Variants in MAP3K8 observed in about 807,000 individuals in gnomAD.
The protein encoded by MAP3K8 is Ewing sarcoma transformant.
In MAP3K8, 22 loss-of-function variants were observed where a neutral mutation model predicts 45.8. That is an observed-to-expected ratio of 0.48 (90% CI 0.34 to 0.69). The LOEUF is 0.69. Ranked by LOEUF, MAP3K8 falls within the 30% of genes least tolerant of loss-of-function variation. The pLI, the probability that MAP3K8 is intolerant of heterozygous loss-of-function variation, is 0.01. For missense variants in MAP3K8, 419 were observed against 585.0 expected, an observed-to-expected ratio of 0.72 and a Z score of 2.93; for synonymous variants, 223 against 214.3, an observed-to-expected ratio of 1.04 and a Z score of -0.36.
chr10:30,437,454 C>G (rs1229887119), intron 2 of MAP3K8, 48 bp downstream of exon 2: 1 of 290,910 alleles, frequency 3.4e-6, no homozygotes, highest in South Asian at 1.3e-4. Flanking sequence ...AAATTGAGGT[C>G]GAGAGAGGTT....
intron 6 of MAP3K8, among the ~76,000 whole-genome samples, chr10:30,454,114 C>T (rs377716605): frequency 3.9e-4 from 60 of 152,222 alleles, no homozygotes; most frequent in African/African-American, 1.4e-3. Flanking sequence ...TCACCACTAC[C>T]GGGGGAAGCT....
chr10:30,438,187 G>C (rs180744314), intron 2 of MAP3K8, among the ~76,000 whole-genome samples: 47 of 152,294 alleles, frequency 3.1e-4, no homozygotes, highest in African/African-American at 1.1e-3. Context: ...CAAGATGTTT[G>C]CTTTGCACTA....
In MAP3K8 at chr10:30,460,821, G is replaced by A. The variant is rs775208839; in HGVS notation, c.1389G>A (p.Thr463=). ...TCAATCTTGTTCGGGGACCACCAAC[G>A]CTTGAATATGGCTGAAGGATGCCAT... The part of the protein sequence containing the change: ...GYFNLVRGPP[T]LEYG Residue 463 remains threonine (T), a synonymous_variant, in exon 9 of 9, where the codon ACG becomes ACA. Transcript: ENST00000263056. The A allele has an allele frequency of 9.3e-6, 15 of 1,613,566 alleles. No homozygotes were observed. The highest frequency in any genetic ancestry group is 3.3e-5 in the Admixed American group (2 of 59,978).
chr10:30,458,107 C>A lies in MAP3K8; in HGVS notation c.897C>A (p.Ile299=). The change falls in exon 7 of 9, where the codon ATC becomes ATA. Residue 299 remains isoleucine, a synonymous_variant. Coordinates refer to ENST00000263056, the MANE Select transcript of MAP3K8 (RefSeq NM_005204.4). ...AGATTTACATGAGCCCAGAGGTCAT[C>A]CTGTGCAGGGGCCATTCAACCAAAG... is the stretch of plus-strand genomic sequence containing the variant. ...GTEIYMSPEV[I]LCRGHSTKAD... 1.3e-6 allele frequency: 2 copies of A among 1,573,406 alleles called. No individual in the cohort carries two copies. The highest frequency in any genetic ancestry group is 1.9e-5 in the Admixed American group (1 of 53,538).
intron 3 of MAP3K8, 38 bp downstream of exon 3, chr10:30,439,312 A>C: frequency 6.2e-7 from 1 of 1,608,298 alleles, no homozygotes; most frequent in African/African-American, 1.3e-5. Context: ...CTATGTGCTC[A>C]GCTTTCCTAC....
chr10:30,445,919 C>T (rs886752193), intron 3 of MAP3K8, among the ~76,000 whole-genome samples: 4 of 152,246 alleles, frequency 2.6e-5, no homozygotes, highest in Admixed American at 2.6e-4. Context: ...ATGGCCCTTA[C>T]AGTTACTAGA....
intron 3 of MAP3K8, among the ~76,000 whole-genome samples, chr10:30,446,980 G>A (rs1403118277): frequency 6.6e-6 from 1 of 151,918 alleles, no homozygotes; most frequent in African/African-American, 2.4e-5. Context: ...TGAACTCCTG[G>A]CCTCAAGATA....
chr10:30,458,980 G>A (rs1275891868), intron 7 of MAP3K8, among the ~76,000 whole-genome samples: 1 of 152,160 alleles, frequency 6.6e-6, no homozygotes, highest in East Asian at 1.9e-4. Context: ...GGGAGGCTGA[G>A]GTGAGAGGAT....
At position 30,447,776 on chromosome 10, in the gene MAP3K8, T is replaced by C. The variant is rs1358805123; in HGVS notation, c.337-6T>C. The C allele has an allele frequency of 6.2e-6, 10 of 1,612,672 alleles. No individual in the cohort carries two copies. Among genetic ancestry groups the C allele is most frequent in the Non-Finnish European group, 8.5e-6 (10 of 1,179,254 alleles). On this transcript the variant is annotated splice_polypyrimidine_tract_variant and splice_region_variant and intron_variant, in intron 3 of 8. Transcript: ENST00000263056. ...CTCACCGTCTCACATTTTTATTTTG[T>C]TGTAGGTCATCACTCCCCAAAATGG...
At position 30,450,535 on chromosome 10, in the gene MAP3K8, C is replaced by A; in HGVS notation, c.766+16C>A. ...GATATTAAACGTAAGTATCTTTGGA[C>A]ATATACCTTTTTGGCTCAAAGAGAC... On this transcript the variant is annotated intron_variant, in intron 5 of 8. Transcript: ENST00000263056. The A allele has an allele frequency of 6.2e-7, 1 of 1,612,558 alleles. No individual in the cohort carries two copies.
chr10:30,448,554 T>C (rs1836426320), intron 4 of MAP3K8, among the ~76,000 whole-genome samples: 1 of 151,824 alleles, frequency 6.6e-6, no homozygotes, highest in Middle Eastern at 3.2e-3. Context: ...TGCATCAGCC[T>C]CCCAAGTAAC....
intron 1 of MAP3K8, chr10:30,434,875 G>A (rs1361209298): frequency 1.4e-6 from 1 of 724,754 alleles, no homozygotes; most frequent in Non-Finnish European, 1.7e-6. Flanking sequence ...GTGGGTTGGC[G>A]GAGCCCAGAG....
intron 6 of MAP3K8, 36 bp downstream of exon 6, chr10:30,451,780 T>G (rs374471102): frequency 4.1e-6 from 5 of 1,219,834 alleles, no homozygotes; most frequent in Non-Finnish European, 5.8e-6. Flanking sequence ...TACTATTTTA[T>G]TAAGAATAAA....
chr10:30,443,954 C>T (rs1836213217), intron 3 of MAP3K8, among the ~76,000 whole-genome samples: 1 of 151,960 alleles, frequency 6.6e-6, no homozygotes, highest in African/African-American at 2.4e-5. Context: ...CTTTGGGAGG[C>T]TGAGGCCAGA....
In MAP3K8 at chr10:30,439,092, G is replaced by T; in HGVS notation, c.154G>T (p.Asp52Tyr). 1 of 1,614,224 alleles carries T rather than the reference G, an allele frequency of 6.2e-7. No individual in the cohort carries two copies. ...YEPSLMTMCQDSNQNDERSKS... is the reference protein window; with the variant it reads ...YEPSLMTMCQYSNQNDERSKS... Reference sequence around the variant, plus strand: ...ACCCAGTCTAATGACCATGTGTCAAGACAGTAATCAAAACGATGAGCGTTC... The same window carrying T: ...ACCCAGTCTAATGACCATGTGTCAATACAGTAATCAAAACGATGAGCGTTC... The change falls in exon 3 of 9, where the codon GAC becomes TAC. Residue 52 changes from aspartate to tyrosine, a missense_variant. Physicochemically the swap from Asp to Tyr is radical, Grantham distance 160. This residue lies in a region of MAP3K8 where 102 missense variants were observed against 93.5 expected (regional missense o/e 1.09). Coordinates refer to ENST00000263056, the MANE Select transcript of MAP3K8 (RefSeq NM_005204.4).
Position 30,458,149 on chromosome 10 carries a change from G to A in MAP3K8, c.939G>A (p.Leu313=), listed in dbSNP as rs1466417150. 6.3e-7 allele frequency: 1 copy of A among 1,594,626 alleles called. No individual in the cohort carries two copies. The highest frequency in any genetic ancestry group is 2.3e-5 in the East Asian group (1 of 43,420). ...CAACCAAAGCAGACATCTACAGCCT[G>A]GGGGCCACGCTCATCCACATGCAGA... The part of the protein sequence containing the change: ...GHSTKADIYS[L]GATLIHMQTG... Residue 313 remains leucine (L), a synonymous_variant, in exon 7 of 9, where the codon CTG becomes CTA. Coordinates refer to ENST00000263056, the MANE Select transcript of MAP3K8 (RefSeq NM_005204.4).
intron 1 of MAP3K8, among the ~76,000 whole-genome samples, chr10:30,435,888 C>T (rs1466503380): frequency 1.3e-5 from 2 of 152,226 alleles, no homozygotes; most frequent in African/African-American, 4.8e-5. Flanking sequence ...AATAGTCATT[C>T]TTTGTTAGGC....
chr10:30,434,619 T>G (rs992554173), intron 1 of MAP3K8: 11 of 985,768 alleles, frequency 1.1e-5, no homozygotes, highest in Non-Finnish European at 1.3e-5. Flanking sequence ...CCCTTCCTCC[T>G]CCTTCCCGTA....
intron 3 of MAP3K8, among the ~76,000 whole-genome samples, chr10:30,443,364 C>A (rs989957613): frequency 1.3e-5 from 2 of 152,212 alleles, no homozygotes; most frequent in Non-Finnish European, 2.9e-5. Flanking sequence ...GTGGGAGTTA[C>A]TGTTGTATAC....
Sources: gnomAD v4.1 joint callset for allele counts (sites outside exome capture counted in the v4.1 genomes callset) on GRCh38, gnomAD v4.1.1 for gene constraint, gnomAD v4.1.1 regional missense constraint, MANE v1.5 for transcripts, NCBI Gene and HGNC (gene_info 2026-07-23, HGNC 2026-07-21) for gene names.